SPAG4: variants seen among roughly 807,000 people sequenced by gnomAD.
SPAG4 encodes sperm-associated antigen 4 protein.
A neutral mutation model predicts 53.9 loss-of-function variants in SPAG4; 54 were observed. The ratio of observed to expected loss-of-function variants is 1.00; its 90% confidence interval spans 0.80 to 1.26. SPAG4 has a LOEUF of 1.26. Ranked by LOEUF, SPAG4 falls within the 50% of genes most tolerant of loss-of-function variation. The pLI, the probability that SPAG4 is intolerant of heterozygous loss-of-function variation, is 0.00. For synonymous variants in SPAG4, 246 were observed against 237.4 expected, an observed-to-expected ratio of 1.04 and a Z score of -0.33; for missense variants, 548 against 568.6, an observed-to-expected ratio of 0.96 and a Z score of 0.37.
At chr20:35,617,418 C>T in intron 2 of SPAG4, 102 bp from the exon 3 acceptor site, 2 of 1,110,878 alleles carry the variant, frequency 1.8e-6, no homozygotes, top group Non-Finnish European at 2.6e-6. Context: ...CCAGGCCCAC[C>T]CCCGGCCCCT....
Position 35,616,251 on chromosome 20 carries a change from G to T in SPAG4, c.248G>T (p.Arg83Leu), listed in dbSNP as rs768724896. ...AGCTCTCAGCAGAAGCCAGCGCCTCGGAGCCACAACTGGCAGACAGCCTGT... is the reference window on the plus strand; with the variant it reads ...AGCTCTCAGCAGAAGCCAGCGCCTCTGAGCCACAACTGGCAGACAGCCTGT... ...AGSSQQKPAP[R>L]SHNWQTACGA... Residue 83 changes from arginine to leucine, a missense_variant, in exon 1 of 12, where the codon CGG becomes CTG. Transcript: ENST00000374273. The T allele has an allele frequency of 1.3e-6, 2 of 1,519,532 alleles. No individual in the cohort carries two copies. Among genetic ancestry groups the T allele is most frequent in the Non-Finnish European group, 1.8e-6 (2 of 1,137,634 alleles). 94.1% of individuals were successfully genotyped at this position (1,519,532 alleles called of 1,614,324 possible). A position where few individuals can be genotyped will look rare whatever the true frequency, so the allele number is the denominator to read the frequency against.
chr20:35,616,580 C>A (rs1472199216), intron 1 of SPAG4, among the ~76,000 whole-genome samples: 2 of 151,318 alleles, frequency 1.3e-5, no homozygotes, highest in African/African-American at 4.9e-5. Context: ...CAATTGGGTT[C>A]CACCAAGATC....
chr20:35,618,726 C>T lies in SPAG4; in HGVS notation c.717+6C>T. On this transcript the variant is annotated splice_donor_region_variant and intron_variant, in intron 7 of 11. Transcript: ENST00000374273. ...TTCGGGCAGCCAACAGCGAGGTGAG[C>T]CCCGGCCCACCTTGGAAACCCCTGA... 1 of 1,566,822 alleles carries T rather than the reference C, an allele frequency of 6.4e-7. No homozygotes were observed. Among genetic ancestry groups the T allele is most frequent in the South Asian group, 1.1e-5 (1 of 87,060 alleles).
rs1359224708 is a variant in SPAG4, at chr20:35,616,195, G to A, written c.192G>A (p.Ala64=). The change falls in exon 1 of 12, where the codon GCG becomes GCA. Residue 64 remains alanine (A), a synonymous_variant. Coordinates refer to ENST00000374273, the MANE Select transcript of SPAG4 (RefSeq NM_003116.3). ...GPSCGEPALS[A]GVPGGTTWAG... is the part of the protein sequence containing the mutation. ...GCTGCGGTGAGCCCGCCTTGAGCGC[G>A]GGAGTGCCCGGAGGAACCACATGGG... is the stretch of plus-strand genomic sequence containing the variant. The A allele has an allele frequency of 6.3e-7, 1 of 1,588,220 alleles. No individual in the cohort carries two copies. The highest frequency in any genetic ancestry group is 8.6e-7 in the Non-Finnish European group (1 of 1,169,174).
chr20:35,619,705 A>C lies in SPAG4; in HGVS notation c.1036A>C (p.Thr346Pro). 6.2e-7 allele frequency: 1 copy of C among 1,612,914 alleles called. No individual in the cohort carries two copies. The highest frequency in any genetic ancestry group is 8.5e-7 in the Non-Finnish European group (1 of 1,179,136). ...LQHPPPSVEH[T>P]GGANSAPRDF... is the part of the protein sequence containing the mutation. ...GCATCCACCGCCCAGCGTGGAGCAC[A>C]CCGGAGGAGCCAACAGCGCCCCCCG... Residue 346 changes from threonine to proline, a missense_variant, in exon 10 of 12, where the codon ACC (threonine) becomes CCC (proline). Physicochemically the swap from Thr to Pro is conservative, Grantham distance 38 (BLOSUM62 -1). Transcript: ENST00000374273.
chr20:35,619,694 G>A lies in SPAG4; in HGVS notation c.1025G>A (p.Ser342Asn), dbSNP rs145903536. The A allele has an allele frequency of 6.2e-7, 1 of 1,613,600 alleles. No individual in the cohort carries two copies. Among genetic ancestry groups the A allele is most frequent in the East Asian group, 2.2e-5 (1 of 44,862 alleles). The stretch of plus-strand genomic sequence containing the variant: ...ATCACTCTGCAGCATCCACCGCCCA[G>A]CGTGGAGCACACCGGAGGAGCCAAC... ...SDITLQHPPP[S>N]VEHTGGANSA... Residue 342 changes from serine (S) to asparagine (N), a missense_variant, in exon 10 of 12, where the codon AGC becomes AAC. Physicochemically the swap from Ser to Asn is conservative, Grantham distance 46. Coordinates refer to ENST00000374273, the MANE Select transcript of SPAG4 (RefSeq NM_003116.3).
Position 35,620,983 on chromosome 20 carries a change from C to T in SPAG4, c.1275C>T (p.Thr425=), listed in dbSNP as rs2031564039. 6.8e-6 allele frequency: 11 copies of T among 1,614,068 alleles called. No individual in the cohort carries two copies. Among genetic ancestry groups the T allele is most frequent in the Non-Finnish European group, 8.5e-6 (10 of 1,180,048 alleles). ...LYRVRAHGVR[T]SEGAEGSAQG... ...GAGTCCGTGCCCACGGTGTGCGAAC[C>T]TCAGAGGGGGCAGAGGGCAGTGCAC... The change falls in exon 12 of 12, where the codon ACC becomes ACT. Residue 425 remains threonine (T), a synonymous_variant. Transcript: ENST00000374273.
At position 35,618,672 on chromosome 20, in the gene SPAG4, G is replaced by C; in HGVS notation, c.669G>C (p.Leu223=). ...GQQLQQLQAE[L]DKLHKEVSTV... ...AGCTGCAGCAGCTCCAGGCCGAGCT[G>C]GATAAACTCCACAAGGAGGTGTCCA... The change falls in exon 7 of 12, where the codon CTG becomes CTC. Residue 223 remains leucine, a synonymous_variant. Coordinates refer to ENST00000374273, the MANE Select transcript of SPAG4 (RefSeq NM_003116.3). 6.3e-7 allele frequency: 1 copy of C among 1,595,402 alleles called. No individual in the cohort carries two copies. Among genetic ancestry groups the C allele is most frequent in the Non-Finnish European group, 8.5e-7 (1 of 1,170,886 alleles).
At position 35,618,361 on chromosome 20, in the gene SPAG4, A is replaced by G. The variant is rs1346857086; in HGVS notation, c.583-89A>G. The stretch of plus-strand genomic sequence containing the variant: ...TCGAGGAAAGGGGACACAGTCTTCA[A>G]AAAGGAAGCCCTGGCCGTTTCCAGG... On this transcript the variant is annotated intron_variant, in intron 5 of 11. Transcript: ENST00000374273. The G allele has an allele frequency of 3.9e-6, 6 of 1,550,796 alleles. No individual in the cohort carries two copies. The Admixed American group carries it at 7.3e-5, about 19-fold the overall frequency.
At chr20:35,617,405 G>T in intron 2 of SPAG4, 115 bp from the exon 3 acceptor site, 1 of 1,056,182 alleles carries the variant, frequency 9.5e-7, no homozygotes, top group Non-Finnish European at 1.4e-6. Context: ...CTCTTCCTGA[G>T]CCCCAGGCCC....
In SPAG4 at chr20:35,616,054, G is replaced by A. The variant is rs1397893176; in HGVS notation, c.51G>A (p.Thr17=). ...CGGCCTCGTCCTCGCGCAAGCACAC[G>A]CCCAACTTTTTCAGCGAGAACAGCT... ...PGSASSSRKH[T]PNFFSENSSM... is the part of the protein sequence containing the mutation. The change falls in exon 1 of 12, where the codon ACG becomes ACA. Residue 17 remains threonine, a synonymous_variant. Transcript: ENST00000374273. The A allele has an allele frequency of 1.9e-6, 3 of 1,606,656 alleles. No individual in the cohort carries two copies. The highest frequency in any genetic ancestry group is 2.7e-5 in the African/African-American group (2 of 74,456).
rs752470474 is a variant in SPAG4, at chr20:35,620,881, C to A, written c.1173C>A (p.Asp391Glu). ...TGATCCATTTGTCTCCCCAGAATGACCCCCCAGCTGCCTTTCCCAAGGTGA... is the reference window on the plus strand; with the variant it reads ...TGATCCATTTGTCTCCCCAGAATGAACCCCCAGCTGCCTTTCCCAAGGTGA... ...SEIQTFHLQNDPPAAFPKVKI... is the reference protein window; with the variant it reads ...SEIQTFHLQNEPPAAFPKVKI... The change falls in exon 12 of 12, where the codon GAC becomes GAA. Residue 391 changes from aspartate (D) to glutamate (E), a missense_variant. Asp to Glu is a conservative substitution (Grantham distance 45). Transcript: ENST00000374273. 3 of 1,613,974 alleles carry A rather than the reference C, an allele frequency of 1.9e-6. No homozygotes were observed. The highest frequency in any genetic ancestry group is 2.5e-6 in the Non-Finnish European group (3 of 1,179,860).
intron 4 of SPAG4, 65 bp from the exon 5 acceptor site, chr20:35,618,022 C>T (rs1375867705): frequency 1.3e-6 from 2 of 1,548,832 alleles, no homozygotes; most frequent in Admixed American, 1.7e-5. Context: ...TTCCACTGTC[C>T]CCCTATGCCG....
chr20:35,619,515 G>T, intron 9 of SPAG4, 64 bp from the exon 10 acceptor site: 1 of 1,583,858 alleles, frequency 6.3e-7, no homozygotes, highest in South Asian at 1.1e-5. Flanking sequence ...GCTGAGGCCC[G>T]GGCTGGGGAG....
chr20:35,618,861 G>A (rs1323369431), intron 7 of SPAG4, 62 bp from the exon 8 acceptor site: 5 of 1,526,216 alleles, frequency 3.3e-6, no homozygotes, highest in East Asian at 2.3e-5. Context: ...CAGAGGTCCC[G>A]TCCACCTGTA....
In SPAG4 at chr20:35,616,240, G is replaced by A; in HGVS notation, c.237G>A (p.Lys79=). The A allele has an allele frequency of 6.5e-7, 1 of 1,534,368 alleles. No individual in the cohort carries two copies. The highest frequency in any genetic ancestry group is 8.7e-7 in the Non-Finnish European group (1 of 1,144,580). Reference sequence around the variant, plus strand: ...CATGGGCAGGAAGCTCTCAGCAGAAGCCAGCGCCTCGGAGCCACAACTGGC... The same window carrying A: ...CATGGGCAGGAAGCTCTCAGCAGAAACCAGCGCCTCGGAGCCACAACTGGC... ...GTTWAGSSQQ[K]PAPRSHNWQT... The change falls in exon 1 of 12, where the codon AAG becomes AAA. Residue 79 remains lysine, a synonymous_variant. Coordinates refer to ENST00000374273, the MANE Select transcript of SPAG4 (RefSeq NM_003116.3).
chr20:35,616,204 C>G lies in SPAG4; in HGVS notation c.201C>G (p.Pro67=), dbSNP rs1342972769. 7 of 1,585,182 alleles carry G rather than the reference C, an allele frequency of 4.4e-6. No homozygotes were observed. The highest frequency in any genetic ancestry group is 3.4e-5 in the South Asian group (3 of 88,438). Residue 67 remains proline (P), a synonymous_variant, in exon 1 of 12, where the codon CCC becomes CCG. Coordinates refer to ENST00000374273, the MANE Select transcript of SPAG4 (RefSeq NM_003116.3). The part of the protein sequence containing the change: ...CGEPALSAGV[P]GGTTWAGSSQ... ...AGCCCGCCTTGAGCGCGGGAGTGCC[C>G]GGAGGAACCACATGGGCAGGAAGCT...
Position 35,616,036 on chromosome 20 carries a change from G to A in SPAG4, c.33G>A (p.Ser11=). The change falls in exon 1 of 12, where the codon TCG becomes TCA. Residue 11 remains serine, a synonymous_variant. Transcript: ENST00000374273. Reference sequence around the variant, plus strand: ...GAAGCTCCCGCCCGGGCTCGGCCTCGTCCTCGCGCAAGCACACGCCCAACT... The same window carrying A: ...GAAGCTCCCGCCCGGGCTCGGCCTCATCCTCGCGCAAGCACACGCCCAACT... MRRSSRPGSA[S]SSRKHTPNFF... is the part of the protein sequence containing the mutation. 6.2e-7 allele frequency: 1 copy of A among 1,612,462 alleles called. No homozygotes were observed.
chr20:35,616,026 G>A lies in SPAG4; in HGVS notation c.23G>A (p.Gly8Asp). Reference protein sequence around the residue: MRRSSRPGSASSSRKHTP... With the variant: MRRSSRPDSASSSRKHTP... The stretch of plus-strand genomic sequence containing the variant: ...AGGATGCGGCGAAGCTCCCGCCCGG[G>A]CTCGGCCTCGTCCTCGCGCAAGCAC... The change falls in exon 1 of 12, where the codon GGC (glycine) becomes GAC (aspartate). Residue 8 changes from glycine (G) to aspartate (D), a missense_variant. Transcript: ENST00000374273. 1 of 1,612,166 alleles carries A rather than the reference G, an allele frequency of 6.2e-7. No homozygotes were observed.
Sources: gnomAD v4.1 joint callset for allele counts (sites outside exome capture counted in the v4.1 genomes callset) on GRCh38, gnomAD v4.1.1 for gene constraint, MANE v1.5 for transcripts, NCBI Gene and HGNC (gene_info 2026-07-23, HGNC 2026-07-21) for gene names.